The following MAGI2 variants were observed in gnomAD, a reference collection of about 807,000 sequenced individuals.
MAGI2 encodes membrane-associated guanylate kinase, WW and PDZ domain-containing protein 2.
In MAGI2, 35 loss-of-function variants were observed where a neutral mutation model predicts 133.3. The observed-to-expected ratio is 0.26, with a 90% CI of 0.20 to 0.35. The LOEUF (loss-of-function observed/expected upper bound fraction) is 0.35, where lower values mean the gene tolerates loss of function less well. Ranked by LOEUF, MAGI2 falls within the 10% of genes least tolerant of loss-of-function variation. MAGI2 has a pLI of 1.00. For synonymous variants in MAGI2, 729 were observed against 710.6 expected, an observed-to-expected ratio of 1.03 and a Z score of -0.41; for missense variants, 1,636 against 1,863.4, an observed-to-expected ratio of 0.88 and a Z score of 2.25.
intron 1 of MAGI2, among the ~76,000 whole-genome samples, chr7:79,289,703 C>A (rs185674367): frequency 3.8e-4 from 58 of 152,210 alleles, no homozygotes; most frequent in African/African-American, 1.3e-3. Flanking sequence ...ATCCACTTCT[C>A]GAGATAATCT....
chr7:78,701,082 A>C (rs972201490), intron 2 of MAGI2, among the ~76,000 whole-genome samples: 11 of 151,652 alleles, frequency 7.3e-5, no homozygotes, highest in Non-Finnish European at 1.3e-4. Flanking sequence ...GAGACTGATA[A>C]AAATCCATGT....
intron 1 of MAGI2, among the ~76,000 whole-genome samples, chr7:79,018,926 C>T (rs1809012390): frequency 6.6e-6 from 1 of 151,964 alleles, no homozygotes; most frequent in African/African-American, 2.4e-5. Flanking sequence ...ACATAGATAA[C>T]CACAAAAGAA....
At chr7:79,215,449 T>C (rs535832482) in intron 1 of MAGI2, among the ~76,000 whole-genome samples, 1 of 152,142 alleles carries the variant, frequency 6.6e-6, no homozygotes, top group South Asian at 2.1e-4. Context: ...ACATTTACCA[T>C]CTATTCTCTC....
chr7:79,412,131 C>T (rs1056440516), intron 1 of MAGI2: 5 of 151,916 alleles, frequency 3.3e-5, no homozygotes, highest in African/African-American at 1.2e-4. Context: ...TAGAAAAAAG[C>T]TCACTCATTT....
At chr7:79,371,559 G>A (rs1843052053) in intron 1 of MAGI2, among the ~76,000 whole-genome samples, 1 of 151,900 alleles carries the variant, frequency 6.6e-6, no homozygotes, top group African/African-American at 2.4e-5. Context: ...TATAGCATTC[G>A]ATATAGTAAT....
intron 6 of MAGI2, among the ~76,000 whole-genome samples, chr7:78,471,061 A>C (rs1344113648): frequency 6.6e-6 from 1 of 152,140 alleles, no homozygotes; most frequent in Non-Finnish European, 1.5e-5. Flanking sequence ...TATGTTTCTC[A>C]TGGCCAAAGT....
chr7:78,529,341 C>G (rs1205882356), intron 3 of MAGI2, among the ~76,000 whole-genome samples: 1 of 152,178 alleles, frequency 6.6e-6, no homozygotes, highest in East Asian at 1.9e-4. Context: ...GACACTCTTT[C>G]CTTCAGTGGC....
At chr7:79,064,421 G>A (rs1412609639) in intron 1 of MAGI2, among the ~76,000 whole-genome samples, 1 of 152,022 alleles carries the variant, frequency 6.6e-6, no homozygotes, top group Non-Finnish European at 1.5e-5. Context: ...TTAGCCAAGT[G>A]CCTAAACCGG....
intron 1 of MAGI2, among the ~76,000 whole-genome samples, chr7:79,285,147 A>G (rs1205095200): frequency 6.6e-6 from 1 of 152,080 alleles, no homozygotes; most frequent in Non-Finnish European, 1.5e-5. Context: ...ATGCAGAATT[A>G]CTTTCAGTTA....
At chr7:78,168,343 T>C (rs553108067) in intron 14 of MAGI2, among the ~76,000 whole-genome samples, 2 of 152,272 alleles carry the variant, frequency 1.3e-5, no homozygotes, top group East Asian at 1.9e-4. Flanking sequence ...AATCTGAGCA[T>C]GCACTTGTAA....
At chr7:78,274,725 C>A (rs1173526291) in intron 9 of MAGI2, among the ~76,000 whole-genome samples, 1 of 152,130 alleles carries the variant, frequency 6.6e-6, no homozygotes, top group Non-Finnish European at 1.5e-5. Flanking sequence ...TTCATGGCAG[C>A]TTTATGTACA....
intron 2 of MAGI2, among the ~76,000 whole-genome samples, chr7:78,959,013 C>T (rs1427896263): frequency 6.6e-6 from 1 of 152,088 alleles, no homozygotes; most frequent in Non-Finnish European, 1.5e-5. Context: ...TCATACTGAT[C>T]TACAAACCAA....
intron 2 of MAGI2, among the ~76,000 whole-genome samples, chr7:78,822,947 A>G (rs1790256960): frequency 6.6e-6 from 1 of 152,258 alleles, no homozygotes; most frequent in South Asian, 2.1e-4. Flanking sequence ...TACTCAAGTC[A>G]GTATAAAATA....
rs1391950956 is a variant in MAGI2, at chr7:78,128,712, G to A, written c.3204-1296C>T. On this transcript the variant is annotated intron_variant, in intron 18 of 21. Coordinates refer to ENST00000354212, the MANE Select transcript of MAGI2 (RefSeq NM_012301.4). Reference sequence around the variant, plus strand: ...ACACTGAAAGTGCATGGCAATAGATGTATTTACTTGGGGCTCCTTAGAAGG... The same window carrying A: ...ACACTGAAAGTGCATGGCAATAGATATATTTACTTGGGGCTCCTTAGAAGG... 2.6e-5 allele frequency among the ~76,000 whole-genome samples: 4 copies of A among 152,266 alleles called. No homozygotes were observed. The East Asian group carries it at 7.7e-4, about 29-fold the overall frequency.
At chr7:78,303,476 A>G (rs1798013221) in intron 9 of MAGI2, among the ~76,000 whole-genome samples, 1 of 148,792 alleles carries the variant, frequency 6.7e-6, no homozygotes, top group Non-Finnish European at 1.5e-5. Context: ...AATAATAGTT[A>G]TCATCATCTC....
At chr7:79,357,952 T>A (rs1842135840) in intron 1 of MAGI2, among the ~76,000 whole-genome samples, 1 of 152,208 alleles carries the variant, frequency 6.6e-6, no homozygotes, top group South Asian at 2.1e-4. Context: ...ATTTAATTAC[T>A]TATTTATCTA....
chr7:79,043,441 G>A (rs956923864), intron 1 of MAGI2, among the ~76,000 whole-genome samples: 5 of 150,032 alleles, frequency 3.3e-5, no homozygotes, highest in Admixed American at 2.0e-4. Context: ...TACTCAGGAG[G>A]CTGAGAAAGG....
In MAGI2 at chr7:78,841,222, T is replaced by C. The variant is rs530332129; in HGVS notation, c.418+165868A>G. Among the ~76,000 whole-genome samples, 167 of 152,156 alleles carry C rather than the reference T, an allele frequency of 1.1e-3. 1 individual carries two copies. The highest frequency in any genetic ancestry group is 6.8e-3 in the Middle Eastern group (2 of 294). On this transcript the variant is annotated intron_variant, in intron 2 of 21. Coordinates refer to ENST00000354212, the MANE Select transcript of MAGI2 (RefSeq NM_012301.4). Reference sequence around the variant, plus strand: ...ATAGCTGAAATTCTGCCTCCACCACTAAAATGAAGTTGCCTTCATAATGAT... The same window carrying C: ...ATAGCTGAAATTCTGCCTCCACCACCAAAATGAAGTTGCCTTCATAATGAT...
At chr7:79,334,823 A>G (rs887254052) in intron 1 of MAGI2, among the ~76,000 whole-genome samples, 14 of 152,214 alleles carry the variant, frequency 9.2e-5, no homozygotes, top group African/African-American at 3.4e-4. Flanking sequence ...ATTAAATTCT[A>G]GTACTCTATC....
Sources: gnomAD v4.1 joint callset for allele counts (sites outside exome capture counted in the v4.1 genomes callset) on GRCh38, gnomAD v4.1.1 for gene constraint, MANE v1.5 for transcripts, NCBI Gene and HGNC (gene_info 2026-07-23, HGNC 2026-07-21) for gene names.